ZNF718: variants seen among roughly 807,000 people sequenced by gnomAD.
The protein encoded by ZNF718 is zinc finger protein 718.
In ZNF718, 3 loss-of-function variants were observed where a neutral mutation model predicts 2.6. The ratio of observed to expected loss-of-function variants is 1.16; its 90% confidence interval spans 0.53 to 3.01. The LOEUF is 3.01. Ranked by LOEUF, ZNF718 falls within the 30% of genes most tolerant of loss-of-function variation. The pLI is 0.03. For synonymous variants in ZNF718, 135 were observed against 77.9 expected, an observed-to-expected ratio of 1.73 and a Z score of -3.86; for missense variants, 468 against 230.0, an observed-to-expected ratio of 2.03 and a Z score of -6.69.
At chr4:190,429 C>CAA (rs368848803) in intron 3 of ZNF718, among the ~76,000 whole-genome samples, 3 of 49,106 alleles carry the variant, frequency 6.1e-5, no homozygotes, top group Non-Finnish European at 8.8e-5. Context: ...AACTCCATCT[C>CAA]AAAAAAAAAA....
rs781952380 is a variant in ZNF718 at position 161,061 on chromosome 4, G to A, written c.376G>A (p.Gly126Ser). Residue 126 changes from glycine to serine, a missense_variant, in exon 4 of 4, where the codon GGT becomes AGT. Physicochemically the swap from Gly to Ser is moderately conservative, Grantham distance 56 (BLOSUM62 0). Transcript: ENST00000510175. ...TATAAATGAGTGTAAGGTGCAGAAA[G>A]GTGGTTATAATAGAATTAACCAATG... ...KSINECKVQK[G>S]GYNRINQCLL... 1 of 779,820 alleles carries A rather than the reference G, an allele frequency of 1.3e-6. No individual in the cohort carries two copies. The highest frequency in any genetic ancestry group is 2.4e-6 in the Non-Finnish European group (1 of 417,404). The allele number at this position is 779,820 out of a possible 1,614,324, so 48.3% of individuals were successfully genotyped here.
rs117033117 is a variant in ZNF718, at chr4:161,618, C to G, written c.933C>G (p.Phe311Leu). ...HKRIHAGEKP[F>L]SCEECGNVFT... is the part of the protein sequence containing the mutation. ...GAATTCATGCTGGAGAGAAACCCTT[C>G]TCATGCGAAGAATGTGGCAATGTCT... The change falls in exon 4 of 4, where the codon TTC (phenylalanine) becomes TTG (leucine). Residue 311 changes from phenylalanine (F) to leucine (L), a missense_variant. Transcript: ENST00000510175. The G allele has an allele frequency of 1.0e-3, 783 of 780,496 alleles. 10 individuals carry two copies. The East Asian group carries it at 0.017, about 17-fold the overall frequency. 48.3% of individuals were successfully genotyped at this position (780,496 alleles called of 1,614,324 possible).
intron 3 of ZNF718, among the ~76,000 whole-genome samples, chr4:146,556 C>T (rs1487080913): frequency 3.3e-5 from 5 of 152,060 alleles, no homozygotes; most frequent in Admixed American, 1.3e-4. Flanking sequence ...TTTTGAGCCT[C>T]ATAAAACTGA....
intron 3 of ZNF718, among the ~76,000 whole-genome samples, chr4:174,080 A>C (rs1553818673): frequency 1.3e-5 from 2 of 152,232 alleles, no homozygotes; most frequent in South Asian, 2.1e-4. Context: ...TAAACAAGCT[A>C]TTTAGATAAA....
exon 5 of ZNF718, chr4:202,289 T>A (rs1015906817): frequency 6.6e-6 from 1 of 152,380 alleles, no homozygotes; most frequent in South Asian, 2.1e-4. Context: ...CCATTAAACA[T>A]CTTTTTCTTT....
intron 3 of ZNF718, among the ~76,000 whole-genome samples, chr4:195,194 G>A (rs548150521): frequency 6.6e-6 from 1 of 152,254 alleles, no homozygotes; most frequent in East Asian, 1.9e-4. Context: ...TTTCAGAGAG[G>A]GTGTAGGTAA....
chr4:146,928 T>A (rs1716092461), intron 3 of ZNF718, among the ~76,000 whole-genome samples: 1 of 152,160 alleles, frequency 6.6e-6, no homozygotes, highest in Non-Finnish European at 1.5e-5. Flanking sequence ...TGCAAAAAAA[T>A]TTAGTAATCT....
intron 3 of ZNF718, among the ~76,000 whole-genome samples, chr4:147,808 G>T (rs1449265895): frequency 6.6e-6 from 1 of 152,114 alleles, no homozygotes. Context: ...AGGTTGCACG[G>T]AGCTGAGATC....
chr4:170,572 T>C (rs1315941706), intron 3 of ZNF718, among the ~76,000 whole-genome samples: 2 of 152,130 alleles, frequency 1.3e-5, no homozygotes, highest in East Asian at 3.9e-4. Flanking sequence ...TCTCTAAACT[T>C]CTCTTCTCAC....
chr4:142,031 A>C lies in ZNF718; in HGVS notation c.226+10526A>C. On this transcript the variant is annotated intron_variant, in intron 3 of 3. Transcript: ENST00000510175. ...GGTTTAAATCTTCTGAGAACATAGG[A>C]GAAAAACTGTCCTTGCCACCCACAC... 2 of 520,040 alleles carry C rather than the reference A, an allele frequency of 3.8e-6. 1 individual carries two copies. Among genetic ancestry groups the C allele is most frequent in the South Asian group, 2.8e-5 (2 of 71,576 alleles). The allele number at this position is 520,040 out of a possible 1,614,324, so 32.2% of individuals were successfully genotyped here.
chr4:153,558 G>GTTGTTCATTTC (rs1553813041), intron 3 of ZNF718, among the ~76,000 whole-genome samples: 1 of 52,878 alleles, frequency 1.9e-5, no homozygotes, highest in East Asian at 1.2e-3. Flanking sequence ...AAATCTTTCA[G>GTTGTTCATTTC]TTTTTCATAT....
chr4:141,147 T>A (rs1715794045), intron 3 of ZNF718, among the ~76,000 whole-genome samples: 1 of 150,828 alleles, frequency 6.6e-6, no homozygotes, highest in South Asian at 2.1e-4. Flanking sequence ...TAATTCTGTA[T>A]ACCAAATGTA....
At chr4:158,892 CTTTTT>C (rs587673139) in intron 3 of ZNF718, among the ~76,000 whole-genome samples, 1 of 139,462 alleles carries the variant, frequency 7.2e-6, no homozygotes, top group Non-Finnish European at 1.6e-5. Context: ...TTTCTTTAGC[CTTTTT>C]TTTTTTTTGC....
intron 3 of ZNF718, among the ~76,000 whole-genome samples, chr4:188,917 A>G (rs184794159): frequency 2.6e-5 from 4 of 151,906 alleles, no homozygotes; most frequent in Admixed American, 2.6e-4. Flanking sequence ...CTGATATCAG[A>G]AGTAAATTTT....
chr4:200,136 C>A (rs1477993392), intron 3 of ZNF718, among the ~76,000 whole-genome samples: 3 of 152,154 alleles, frequency 2.0e-5, no homozygotes, highest in Non-Finnish European at 4.4e-5. Flanking sequence ...TAGAGGATTA[C>A]CAAGATCAGT....
intron 3 of ZNF718, among the ~76,000 whole-genome samples, chr4:155,429 G>A (rs1299146980): frequency 6.6e-6 from 1 of 152,214 alleles, no homozygotes; most frequent in Non-Finnish European, 1.5e-5. Flanking sequence ...CACAGGGGTG[G>A]AGCTGCTCAA....
chr4:179,661 A>C (rs1045152934), intron 3 of ZNF718, among the ~76,000 whole-genome samples: 1 of 152,244 alleles, frequency 6.6e-6, no homozygotes, highest in East Asian at 1.9e-4. Flanking sequence ...GGCAAACCAC[A>C]TGATCTCCAG....
intron 1 of ZNF718, among the ~76,000 whole-genome samples, chr4:125,556 A>G (rs1247185125): frequency 6.6e-6 from 1 of 152,200 alleles, no homozygotes; most frequent in African/African-American, 2.4e-5. Context: ...GAAGAAAGAC[A>G]TGGCCGAGTC....
intron 3 of ZNF718, among the ~76,000 whole-genome samples, chr4:181,158 C>CTTTTTTTTTT (rs782164295): frequency 2.0e-5 from 1 of 51,086 alleles, no homozygotes; most frequent in Non-Finnish European, 3.7e-5. Flanking sequence ...CAGTGCCCAG[C>CTTTTTTTTTT]TTTTTTTTTT....
Sources: allele counts gnomAD v4.1 joint callset (sites outside exome capture counted in the v4.1 genomes callset), GRCh38; gene constraint gnomAD v4.1.1; transcripts MANE v1.5; gene names NCBI Gene and HGNC (gene_info 2026-07-23, HGNC 2026-07-21).